The following ANKS1B variants were observed in gnomAD, a reference collection of about 807,000 sequenced individuals.
ANKS1B encodes ankyrin repeat and sterile alpha motif domain containing 1B.
ANKS1B carries 36 observed loss-of-function variants against 148.3 expected under a neutral mutation model. The observed-to-expected ratio is 0.24, with a 90% CI of 0.19 to 0.32. The LOEUF is 0.32. Among genes scored for constraint, ANKS1B ranks in the 10% least tolerant of loss-of-function variants. The probability of loss-of-function intolerance (pLI) is 1.00; values close to 1 mark genes in which losing one functional copy is unlikely to be tolerated. For missense variants in ANKS1B, 1,157 were observed against 1,542.6 expected (o/e 0.75, Z 4.19); for synonymous variants, 542 against 560.8 (o/e 0.97, Z 0.47).
chr12:99,456,048 G>A (rs1316233750), intron 10 of ANKS1B, among the ~76,000 whole-genome samples: 1 of 152,104 alleles, frequency 6.6e-6, no homozygotes, highest in African/African-American at 2.4e-5. Context: ...ACCAGAGCAG[G>A]TGCTGGTATG....
chr12:98,817,846 A>G (rs1256997245), intron 19 of ANKS1B, among the ~76,000 whole-genome samples: 3 of 152,132 alleles, frequency 2.0e-5, no homozygotes, highest in Non-Finnish European at 1.5e-5. Context: ...AAACTTCATG[A>G]TCGTGACCTT....
intron 15 of ANKS1B, among the ~76,000 whole-genome samples, chr12:99,141,962 G>T (rs748230537): frequency 6.6e-6 from 1 of 151,922 alleles, no homozygotes; most frequent in Non-Finnish European, 1.5e-5. Context: ...CATTCTACCT[G>T]ATAACTTTCC....
At chr12:99,398,010 T>C (rs2094299742) in intron 12 of ANKS1B, among the ~76,000 whole-genome samples, 1 of 152,068 alleles carries the variant, frequency 6.6e-6, no homozygotes, top group Non-Finnish European at 1.5e-5. Flanking sequence ...ATGGCCAGGA[T>C]GAGTTCAGTC....
chr12:99,500,322 C>T (rs1267782691), intron 10 of ANKS1B, among the ~76,000 whole-genome samples: 1 of 152,114 alleles, frequency 6.6e-6, no homozygotes, highest in African/African-American at 2.4e-5. Context: ...GGGATGCTTG[C>T]TCTCAGAATC....
chr12:98,950,639 C>T (rs1387138416), intron 17 of ANKS1B, among the ~76,000 whole-genome samples: 1 of 152,074 alleles, frequency 6.6e-6, no homozygotes, highest in East Asian at 1.9e-4. Context: ...AGTCCTGCCC[C>T]CCAAAAGTCT....
At chr12:99,169,481 T>C (rs1385175596) in intron 14 of ANKS1B, among the ~76,000 whole-genome samples, 1 of 152,166 alleles carries the variant, frequency 6.6e-6, no homozygotes, top group African/African-American at 2.4e-5. Flanking sequence ...CAAAATGTAA[T>C]AACTATCTGT....
intron 1 of ANKS1B, among the ~76,000 whole-genome samples, chr12:99,870,309 T>C (rs1404019913): frequency 1.3e-5 from 2 of 152,338 alleles, no homozygotes; most frequent in East Asian, 1.9e-4. Context: ...TTCCACTGTA[T>C]ATACGTATAT....
intron 17 of ANKS1B, among the ~76,000 whole-genome samples, chr12:98,983,861 C>T (rs956548398): frequency 3.3e-5 from 5 of 152,216 alleles, no homozygotes; most frequent in African/African-American, 9.6e-5. Context: ...CCTCCCTCTC[C>T]ACTTTTGGTT....
chr12:99,447,823 C>G (rs1207247210), intron 10 of ANKS1B, among the ~76,000 whole-genome samples: 1 of 151,964 alleles, frequency 6.6e-6, no homozygotes, highest in Non-Finnish European at 1.5e-5. Context: ...AGAGGACATA[C>G]AAATGGCCGA....
intron 9 of ANKS1B, among the ~76,000 whole-genome samples, chr12:98,737,202 C>A (rs1487571392): frequency 6.6e-6 from 1 of 152,214 alleles, no homozygotes; most frequent in Admixed American, 6.5e-5. Flanking sequence ...CATGATCTTT[C>A]CAGAGCACTC....
chr12:99,694,657 A>C (rs1055274841), intron 8 of ANKS1B, among the ~76,000 whole-genome samples: 1 of 152,210 alleles, frequency 6.6e-6, no homozygotes, highest in African/African-American at 2.4e-5. Flanking sequence ...ATCCATGTCT[A>C]GTGAAACATA....
At chr12:99,078,347 A>G (rs1295701314) in intron 16 of ANKS1B, among the ~76,000 whole-genome samples, 1 of 152,228 alleles carries the variant, frequency 6.6e-6, no homozygotes, top group African/African-American at 2.4e-5. Flanking sequence ...AACAATGAAG[A>G]ATAAATACAT....
chr12:99,638,051 C>T (rs573419085), intron 9 of ANKS1B, among the ~76,000 whole-genome samples: 2 of 151,918 alleles, frequency 1.3e-5, no homozygotes, highest in African/African-American at 4.8e-5. Flanking sequence ...GGTATTTTTC[C>T]CCCTTTGCTT....
chr12:98,742,233 G>A (rs887827135), downstream of ANKS1B, among the ~76,000 whole-genome samples: 2 of 152,314 alleles, frequency 1.3e-5, no homozygotes, highest in African/African-American at 2.4e-5. Flanking sequence ...ACCTTCCGCC[G>A]GGGTGACCCC....
chr12:99,112,711 T>C (rs2060550314), intron 15 of ANKS1B, among the ~76,000 whole-genome samples: 2 of 152,188 alleles, frequency 1.3e-5, no homozygotes, highest in South Asian at 4.1e-4. Flanking sequence ...ATGAGGTAAG[T>C]ACAGCTGGCA....
chr12:99,282,727 G>C (rs1459678340), intron 12 of ANKS1B, among the ~76,000 whole-genome samples: 2 of 152,166 alleles, frequency 1.3e-5, no homozygotes, highest in East Asian at 3.8e-4. Flanking sequence ...AAGTGAAAAG[G>C]ATGGAGTTTT....
chr12:99,454,673 G>T (rs937465489), intron 10 of ANKS1B, among the ~76,000 whole-genome samples: 2 of 152,304 alleles, frequency 1.3e-5, no homozygotes, highest in Non-Finnish European at 2.9e-5. Context: ...TAATTGGTGA[G>T]CAATATTAGT....
chr12:98,874,466 C>T (rs1267924410), intron 17 of ANKS1B, among the ~76,000 whole-genome samples: 3 of 152,186 alleles, frequency 2.0e-5, no homozygotes, highest in Non-Finnish European at 4.4e-5. Flanking sequence ...TTAGCTTGAA[C>T]ATGAACTGAG....
chr12:99,802,575 A>C (rs2067082472), intron 4 of ANKS1B, among the ~76,000 whole-genome samples: 1 of 152,194 alleles, frequency 6.6e-6, no homozygotes, highest in Non-Finnish European at 1.5e-5. Context: ...AATGATGCAG[A>C]AAATAAACTT....
Sources: gnomAD v4.1 joint callset for allele counts (sites outside exome capture counted in the v4.1 genomes callset) on GRCh38, gnomAD v4.1.1 for gene constraint, MANE v1.5 for transcripts, NCBI Gene and HGNC (gene_info 2026-07-23, HGNC 2026-07-21) for gene names.